Variants in LRP1B observed in about 807,000 individuals in gnomAD.
LRP1B encodes low-density lipoprotein receptor-related protein 1B.
Under a neutral mutation model 556.6 loss-of-function variants are expected in LRP1B, and 217 were observed. The observed-to-expected ratio is 0.39, with a 90% CI of 0.35 to 0.44. The LOEUF (loss-of-function observed/expected upper bound fraction) is 0.44. Ranked by LOEUF, LRP1B falls within the 20% of genes least tolerant of loss-of-function variation. LRP1B has a pLI of 1.00. For synonymous variants in LRP1B, 2,047 were observed against 1,865.8 expected (o/e 1.10, Z -2.50); for missense variants, 5,053 against 5,620.8 (o/e 0.90, Z 3.23).
chr2:140,457,694 C>A (rs780754304), intron 60 of LRP1B, 43 bp from the exon 61 acceptor site: 3 of 1,502,174 alleles, frequency 2.0e-6, no homozygotes, highest in Non-Finnish European at 1.8e-6. Flanking sequence ...TCTTGGAAGA[C>A]TGCCAGTTAA....
intron 20 of LRP1B, among the ~76,000 whole-genome samples, chr2:140,928,850 G>C (rs368134478): frequency 6.6e-6 from 1 of 152,000 alleles, no homozygotes; most frequent in Non-Finnish European, 1.5e-5. Flanking sequence ...CAATTGCAAA[G>C]ACCTAAAAGC....
intron 2 of LRP1B, among the ~76,000 whole-genome samples, chr2:141,529,424 GCAAA>G (rs1406092905): frequency 1.3e-5 from 2 of 152,122 alleles, no homozygotes; most frequent in African/African-American, 4.8e-5. Flanking sequence ...GCAGAAAGTA[GCAAA>G]CAGAGATATC....
rs1680441559 is a variant in LRP1B, at chr2:140,325,790, A to G, written c.12312T>C (p.Asn4104=). ...IIGSVLYDGS[N]SVVSVSSKQG... The stretch of plus-strand genomic sequence containing the variant: ...GTTTGCTGCTGACAGAGACTACTGA[A>G]TTAGAGCCATCATACAGAACACTGC... Residue 4104 remains asparagine (N), a synonymous_variant, in exon 80 of 91, where the codon AAT becomes AAC. Coordinates refer to ENST00000389484, the MANE Select transcript of LRP1B (RefSeq NM_018557.3). The G allele has an allele frequency of 6.2e-7, 1 of 1,612,568 alleles. No homozygotes were observed.
At chr2:141,613,179 A>T (rs1191682719) in intron 2 of LRP1B, among the ~76,000 whole-genome samples, 1 of 151,774 alleles carries the variant, frequency 6.6e-6, no homozygotes. Flanking sequence ...TTGCCTGTTA[A>T]ATTTCTTGGC....
At chr2:140,897,766 C>A (rs1693993520) in intron 23 of LRP1B, among the ~76,000 whole-genome samples, 1 of 152,102 alleles carries the variant, frequency 6.6e-6, no homozygotes, top group South Asian at 2.1e-4. Flanking sequence ...ACTCTTGTAC[C>A]TACACCAGTG....
intron 25 of LRP1B, among the ~76,000 whole-genome samples, chr2:140,881,253 AGT>A (rs3063611): frequency 4.0e-4 from 59 of 149,078 alleles, no homozygotes; most frequent in South Asian, 3.8e-3. Context: ...CTTTGCTGTA[AGT>A]GTGTGTGTGT....
intron 66 of LRP1B, among the ~76,000 whole-genome samples, chr2:140,441,077 T>C (rs916713299): frequency 4.6e-5 from 7 of 152,114 alleles, no homozygotes; most frequent in African/African-American, 1.4e-4. Flanking sequence ...TTTAACATAT[T>C]TCTCGGGCCA....
intron 41 of LRP1B, among the ~76,000 whole-genome samples, chr2:140,655,594 G>A (rs181078977): frequency 3.0e-4 from 45 of 152,254 alleles, no homozygotes; most frequent in African/African-American, 8.9e-4. Flanking sequence ...TATCTGTATT[G>A]CATCAGAGCA....
intron 1 of LRP1B, among the ~76,000 whole-genome samples, chr2:141,834,680 G>T (rs534528903): frequency 6.6e-6 from 1 of 151,968 alleles, no homozygotes; most frequent in Non-Finnish European, 1.5e-5. Flanking sequence ...GGCCACTATG[G>T]TGCTATCAAG....
At chr2:141,666,642 C>A (rs1203438175) in intron 2 of LRP1B, among the ~76,000 whole-genome samples, 1 of 152,178 alleles carries the variant, frequency 6.6e-6, no homozygotes, top group Non-Finnish European at 1.5e-5. Context: ...AGGGAATGGT[C>A]CAGATACAAG....
chr2:142,073,945 G>A (rs1705410367), intron 1 of LRP1B, among the ~76,000 whole-genome samples: 1 of 151,894 alleles, frequency 6.6e-6, no homozygotes, highest in Non-Finnish European at 1.5e-5. Flanking sequence ...CATGCTTCCT[G>A]TACAGCTTGT....
chr2:140,371,558 AAAAC>A lies in LRP1B; in HGVS notation c.10769-277_10769-274del, dbSNP rs925403270. Among the ~76,000 whole-genome samples, 5 of 151,850 alleles carry A rather than the reference AAAAC, an allele frequency of 3.3e-5. No homozygotes were observed. The South Asian group carries it at 8.3e-4, about 25-fold the overall frequency. ...ACTCAATAGTCCATAGAAGGAAAAAAAAACAAACAAACCTTGATATCCTTCATCC... is the reference window on the plus strand; with the variant it reads ...ACTCAATAGTCCATAGAAGGAAAAAAAAACAAACCTTGATATCCTTCATCC... On this transcript the variant is annotated intron_variant, in intron 69 of 90. Transcript: ENST00000389484.
intron 21 of LRP1B, among the ~76,000 whole-genome samples, chr2:140,914,295 T>C (rs1294705860): frequency 6.6e-6 from 1 of 152,134 alleles, no homozygotes. Context: ...GAGAATGGAA[T>C]GGGTTATGTT....
chr2:142,016,159 A>G (rs1438075309), intron 1 of LRP1B, among the ~76,000 whole-genome samples: 3 of 152,150 alleles, frequency 2.0e-5, no homozygotes, highest in African/African-American at 7.2e-5. Flanking sequence ...TAGAATGGCG[A>G]TCATTAAATA....
chr2:140,725,611 C>T (rs990106189), intron 35 of LRP1B, among the ~76,000 whole-genome samples: 18 of 151,072 alleles, frequency 1.2e-4, no homozygotes, highest in Non-Finnish European at 2.4e-4. Context: ...GTGCAGCACA[C>T]CAACATGACA....
At chr2:141,289,875 T>G (rs1573760255) in intron 3 of LRP1B, among the ~76,000 whole-genome samples, 1 of 152,208 alleles carries the variant, frequency 6.6e-6, no homozygotes, top group Admixed American at 6.5e-5. Flanking sequence ...ACCTTATATA[T>G]GTGTTACTGC....
rs1175945813 is a variant in LRP1B at position 141,819,484 on chromosome 2, G to A, written c.83-9083C>T. 2.0e-5 allele frequency among the ~76,000 whole-genome samples: 3 copies of A among 152,254 alleles called. No homozygotes were observed. In the South Asian group the frequency reaches 6.2e-4, roughly 32 times the overall value. On this transcript the variant is annotated intron_variant, in intron 1 of 90. Coordinates refer to ENST00000389484, the MANE Select transcript of LRP1B (RefSeq NM_018557.3). ...CACTATGTTACTTGAGATAAGCCAGGAAAAGAAAGTTAAACATCTTAAACA... is the reference window on the plus strand; with the variant it reads ...CACTATGTTACTTGAGATAAGCCAGAAAAAGAAAGTTAAACATCTTAAACA...
chr2:140,510,063 C>T lies in LRP1B; in HGVS notation c.8270-7G>A. The T allele has an allele frequency of 1.2e-6, 2 of 1,612,202 alleles. No individual in the cohort carries two copies. The highest frequency in any genetic ancestry group is 1.7e-6 in the Non-Finnish European group (2 of 1,179,510). ...GCAGCACAGGTTATGGCACCTGAAA[C>T]ACAAAAACATAATGCCATTAAGATT... On this transcript the variant is annotated splice_region_variant and splice_polypyrimidine_tract_variant and intron_variant, in intron 51 of 90. Transcript: ENST00000389484.
rs1685631522 is a variant in LRP1B at position 141,284,478 on chromosome 2, GA to G, written c.344-29838del. Among the ~76,000 whole-genome samples the G allele has an allele frequency of 3.9e-5, 6 of 152,326 alleles. 1 individual carries two copies. In the South Asian group the frequency reaches 1.2e-3, roughly 32 times the overall value. The stretch of plus-strand genomic sequence containing the variant: ...TTCTTATGTGAAATAAGAAATTTCT[GA>G]AGGTACTACTAGGAATGGAAAAAGA... On this transcript the variant is annotated intron_variant, in intron 3 of 90. Coordinates refer to ENST00000389484, the MANE Select transcript of LRP1B (RefSeq NM_018557.3).
Sources: gnomAD v4.1 joint callset for allele counts (sites outside exome capture counted in the v4.1 genomes callset) on GRCh38, gnomAD v4.1.1 for gene constraint, MANE v1.5 for transcripts, NCBI Gene and HGNC (gene_info 2026-07-23, HGNC 2026-07-21) for gene names.